Variants in SCN8A observed in about 807,000 individuals in gnomAD.
The protein encoded by SCN8A is sodium channel protein type 8 subunit alpha.
SCN8A carries 30 observed loss-of-function variants against 184.1 expected under a neutral mutation model. That is an observed-to-expected ratio of 0.16 (90% confidence interval 0.12 to 0.22). The LOEUF (loss-of-function observed/expected upper bound fraction) is 0.22, where lower values mean the gene tolerates loss of function less well. Among genes scored for constraint, SCN8A ranks in the 10% least tolerant of loss-of-function variants. The pLI, the probability that SCN8A is intolerant of heterozygous loss-of-function variation, is 1.00. For missense variants in SCN8A, 1,057 were observed against 2,498.9 expected (o/e 0.42, Z 12.30); for synonymous variants, 852 against 907.0 (o/e 0.94, Z 1.09).
At chr12:51,797,336 A>G (rs1306890276) in intron 26 of SCN8A, among the ~76,000 whole-genome samples, 1 of 152,232 alleles carries the variant, frequency 6.6e-6, no homozygotes, top group Non-Finnish European at 1.5e-5. Context: ...TGATAAAGGA[A>G]AAAGAAAAGA....
intron 14 of SCN8A, among the ~76,000 whole-genome samples, chr12:51,759,024 A>G (rs963622315): frequency 1.3e-5 from 2 of 151,770 alleles, no homozygotes; most frequent in African/African-American, 4.8e-5. Flanking sequence ...ACGTGTGTGT[A>G]TATGTACAGC....
At chr12:51,658,402 T>G (rs1158304201) in intron 1 of SCN8A, among the ~76,000 whole-genome samples, 1 of 152,148 alleles carries the variant, frequency 6.6e-6, no homozygotes, top group Non-Finnish European at 1.5e-5. Flanking sequence ...TCTTGATATC[T>G]TTTTCTGCTA....
intron 11 of SCN8A, among the ~76,000 whole-genome samples, chr12:51,715,589 C>T (rs1468210420): frequency 3.0e-5 from 4 of 131,934 alleles, no homozygotes; most frequent in African/African-American, 5.8e-5. Context: ...ACCTGGGAGG[C>T]GGAAGTTTCA....
chr12:51,762,614 A>G lies in SCN8A; in HGVS notation c.2482A>G (p.Ser828Gly), dbSNP rs1942778790. The G allele has an allele frequency of 6.2e-7, 1 of 1,613,056 alleles. No individual in the cohort carries two copies. Among genetic ancestry groups the G allele is most frequent in the Non-Finnish European group, 8.5e-7 (1 of 1,179,646 alleles). Reference protein sequence around the residue: ...NIFDGFIVSLSLMELSLADVE... With the variant: ...NIFDGFIVSLGLMELSLADVE... ...TTTTGACGGATTTATTGTCTCCCTC[A>G]GTTTAATGGAACTGAGTCTAGCAGA... The change falls in exon 15 of 27, where the codon AGT becomes GGT. Residue 828 changes from serine to glycine, a missense_variant. By Grantham distance (56) the Ser-to-Gly change is moderately conservative. Transcript: ENST00000627620.
At position 51,705,734 on chromosome 12, in the gene SCN8A, C is replaced by T. The variant is rs928108804; in HGVS notation, c.1341+111C>T. The T allele has an allele frequency of 3.1e-6, 3 of 964,092 alleles. No individual in the cohort carries two copies. In the African/African-American group the frequency reaches 4.9e-5, roughly 16 times the overall value. The allele number at this position is 964,092 out of a possible 1,614,324, so 59.7% of individuals were successfully genotyped here. On this transcript the variant is annotated intron_variant, in intron 10 of 26. Coordinates refer to ENST00000627620, the MANE Select transcript of SCN8A (RefSeq NM_001330260.2). ...TCTAGGCATATTTTCAAATAGAGGC[C>T]ATTGGTCTGATGAAAATAACCCAAG...
At chr12:51,680,076 C>A (rs1941303548) in intron 2 of SCN8A, among the ~76,000 whole-genome samples, 1 of 152,016 alleles carries the variant, frequency 6.6e-6, no homozygotes, top group African/African-American at 2.4e-5. Flanking sequence ...CTAATTATTT[C>A]AATAATAAAA....
chr12:51,660,970 A>G (rs1240695204), intron 1 of SCN8A, among the ~76,000 whole-genome samples: 2 of 152,210 alleles, frequency 1.3e-5, no homozygotes, highest in Non-Finnish European at 2.9e-5. Flanking sequence ...CATTGTAACT[A>G]GTCTTAGATC....
rs989148125 is a variant in SCN8A, at chr12:51,679,370, G to A, written c.277-4804G>A. On this transcript the variant is annotated intron_variant, in intron 2 of 26. Coordinates refer to ENST00000627620, the MANE Select transcript of SCN8A (RefSeq NM_001330260.2). Reference sequence around the variant, plus strand: ...CAGATCAGTTTTGCCATCTGTTTTTGTATGGCCCACAAGCTAAGAGTAGTT... The same window carrying A: ...CAGATCAGTTTTGCCATCTGTTTTTATATGGCCCACAAGCTAAGAGTAGTT... Among the ~76,000 whole-genome samples, 6 of 152,196 alleles carry A rather than the reference G, an allele frequency of 3.9e-5. No individual in the cohort carries two copies. The East Asian group carries it at 1.2e-3, about 29-fold the overall frequency.
intron 6 of SCN8A, among the ~76,000 whole-genome samples, chr12:51,695,825 TGGATTTAG>T (rs1212992797): frequency 6.6e-6 from 1 of 152,216 alleles, no homozygotes; most frequent in Non-Finnish European, 1.5e-5. Context: ...GGAAAGGATC[TGGATTTAG>T]GTCAGATGTC....
At chr12:51,688,171 A>G (rs1941450531) in intron 5 of SCN8A, among the ~76,000 whole-genome samples, 1 of 152,230 alleles carries the variant, frequency 6.6e-6, no homozygotes, top group Non-Finnish European at 1.5e-5. Context: ...GCTTGTAATT[A>G]AAATGAGCAC....
chr12:51,769,014 C>T lies in SCN8A; in HGVS notation c.3051C>T (p.Ala1017=). 1 of 1,614,008 alleles carries T rather than the reference C, an allele frequency of 6.2e-7. No individual in the cohort carries two copies. The highest frequency in any genetic ancestry group is 8.5e-7 in the Non-Finnish European group (1 of 1,179,892). Residue 1017 remains alanine (A), a synonymous_variant, in exon 17 of 27, where the codon GCC becomes GCT. Transcript: ENST00000627620. Reference sequence around the variant, plus strand: ...CCTGGACCAAACTAAAGGTGCACGCCTTCATGCAGGCCCACTTTAAGCAGC... The same window carrying T: ...CCTGGACCAAACTAAAGGTGCACGCTTTCATGCAGGCCCACTTTAAGCAGC... ...GVAWTKLKVH[A]FMQAHFKQRE...
intron 15 of SCN8A, among the ~76,000 whole-genome samples, chr12:51,764,626 C>G (rs1942809766): frequency 6.6e-6 from 1 of 152,046 alleles, no homozygotes; most frequent in Admixed American, 6.5e-5. Flanking sequence ...CAGAGTGAGA[C>G]TCTGTCTCAA....
chr12:51,734,663 A>T (rs951426069), intron 12 of SCN8A, among the ~76,000 whole-genome samples: 1 of 152,164 alleles, frequency 6.6e-6, no homozygotes, highest in Non-Finnish European at 1.5e-5. Context: ...GTTTATGGCC[A>T]GTTTTGGGGC....
At chr12:51,713,295 T>C in intron 11 of SCN8A, 1 of 1,112,234 alleles carries the variant, frequency 9.0e-7, no homozygotes, top group Non-Finnish European at 1.4e-6. Context: ...TTGGTTCCAC[T>C]ACATGCCCAT....
At chr12:51,649,242 G>A (rs1432840098) in intron 1 of SCN8A, among the ~76,000 whole-genome samples, 4 of 152,194 alleles carry the variant, frequency 2.6e-5, no homozygotes, top group Non-Finnish European at 4.4e-5. Context: ...CTTCTTCCCA[G>A]CTGCTTTCAC....
At chr12:51,618,723 A>G (rs954673651) in intron 1 of SCN8A, among the ~76,000 whole-genome samples, 2 of 151,980 alleles carry the variant, frequency 1.3e-5, no homozygotes, top group Admixed American at 1.3e-4. Context: ...TATTTGAGAG[A>G]GGAACAAGGC....
rs191245563 is a variant in SCN8A at position 51,623,982 on chromosome 12, G to C, written c.-55+32623G>C. On this transcript the variant is annotated intron_variant, in intron 1 of 26. Transcript: ENST00000627620. Reference sequence around the variant, plus strand: ...CTGCATAGTATTCCATGGTGTATATGTGCCACATTTTCTTAATCCAGTCTA... The same window carrying C: ...CTGCATAGTATTCCATGGTGTATATCTGCCACATTTTCTTAATCCAGTCTA... Among the ~76,000 whole-genome samples the C allele has an allele frequency of 8.5e-3, 1,296 of 152,292 alleles. 25 individuals are homozygous for C. The highest frequency in any genetic ancestry group is 0.029 in the African/African-American group (1,216 of 41,558).
Position 51,812,212 on chromosome 12 carries a change from G to GGTGTGT in SCN8A, c.*4797_*4802dup, listed in dbSNP as rs371717199. The GGTGTGT allele has an allele frequency of 6.6e-6, 1 of 150,666 alleles. No individual in the cohort carries two copies. Among genetic ancestry groups the GGTGTGT allele is most frequent in the African/African-American group, 2.4e-5 (1 of 40,868 alleles). The allele number at this position is 150,666 out of a possible 1,614,324, so 9.3% of individuals were successfully genotyped here. ...GTGGGGTGGGTGGGTGTGCACATGT[G>GGTGTGT]GTGTGTGTGTGTGTGTGTGAAGAAT... On this transcript the variant is annotated 3_prime_UTR_variant, in exon 27 of 27. Transcript: ENST00000627620.
intron 2 of SCN8A, among the ~76,000 whole-genome samples, chr12:51,682,163 C>T (rs1941346282): frequency 6.6e-6 from 1 of 152,190 alleles, no homozygotes. Flanking sequence ...ACTATCTTTG[C>T]ATTCCTGGGA....
Sources: gnomAD v4.1 joint callset for allele counts (sites outside exome capture counted in the v4.1 genomes callset) on GRCh38, gnomAD v4.1.1 for gene constraint, MANE v1.5 for transcripts, NCBI Gene and HGNC (gene_info 2026-07-23, HGNC 2026-07-21) for gene names.